Variants in NKAIN3 observed in about 807,000 individuals in gnomAD.
NKAIN3 encodes the protein sodium/potassium transporting ATPase interacting 3.
Under a neutral mutation model 30.2 loss-of-function variants are expected in NKAIN3, and 25 were observed. The ratio of observed to expected loss-of-function variants is 0.83; its 90% CI spans 0.60 to 1.16. The LOEUF (loss-of-function observed/expected upper bound fraction) is 1.16, where lower values mean the gene tolerates loss of function less well. NKAIN3 is among the 50% of genes most tolerant of loss of function. NKAIN3 has a pLI of 0.00. For synonymous variants in NKAIN3, 91 were observed against 89.6 expected, an observed-to-expected ratio of 1.02 and a Z score of -0.09; for missense variants, 225 against 254.1, an observed-to-expected ratio of 0.89 and a Z score of 0.78.
chr8:62,430,586 A>G (rs1043417923), intron 1 of NKAIN3, among the ~76,000 whole-genome samples: 63 of 151,900 alleles, frequency 4.1e-4, no homozygotes, highest in African/African-American at 1.5e-3. Flanking sequence ...ATTTATTCAC[A>G]TTCTCATGCC....
intron 3 of NKAIN3, among the ~76,000 whole-genome samples, chr8:62,644,889 CTGT>C (rs1372927969): frequency 2.0e-5 from 3 of 152,128 alleles, no homozygotes; most frequent in Non-Finnish European, 2.9e-5. Context: ...GCATTCTACT[CTGT>C]TGTTTTTTAT....
At chr8:62,612,642 A>G (rs905850540) in intron 3 of NKAIN3, among the ~76,000 whole-genome samples, 8 of 151,390 alleles carry the variant, frequency 5.3e-5, no homozygotes, top group Non-Finnish European at 1.0e-4. Context: ...ACTCTTGCCA[A>G]TTTGTTATTT....
chr8:62,282,251 A>G (rs1355309280), intron 1 of NKAIN3, among the ~76,000 whole-genome samples: 1 of 152,066 alleles, frequency 6.6e-6, no homozygotes, highest in African/African-American at 2.4e-5. Context: ...TCCCTGCACC[A>G]TTTACTAAAA....
At chr8:62,609,202 C>T (rs530446810) in intron 3 of NKAIN3, among the ~76,000 whole-genome samples, 2 of 152,238 alleles carry the variant, frequency 1.3e-5, no homozygotes, top group African/African-American at 2.4e-5. Context: ...TTACACCAAA[C>T]ATAGAGTTGT....
At chr8:62,318,280 G>T (rs918436021) in intron 1 of NKAIN3, among the ~76,000 whole-genome samples, 2 of 152,078 alleles carry the variant, frequency 1.3e-5, no homozygotes, top group Non-Finnish European at 2.9e-5. Context: ...TTCCTCTCCT[G>T]CCTGATTGCC....
At chr8:62,622,976 A>C (rs185110663) in intron 3 of NKAIN3, among the ~76,000 whole-genome samples, 2 of 152,048 alleles carry the variant, frequency 1.3e-5, no homozygotes, top group East Asian at 3.9e-4. Flanking sequence ...AGATAAAATT[A>C]ATATGTTCAC....
At position 62,805,654 on chromosome 8, in the gene NKAIN3, C is replaced by T. The variant is rs186214657; in HGVS notation, c.471+58525C>T. Among the ~76,000 whole-genome samples, 13 of 152,118 alleles carry T rather than the reference C, an allele frequency of 8.5e-5. No individual in the cohort carries two copies. In the East Asian group the frequency reaches 1.4e-3, roughly 16 times the overall value. ...TACACCTTATACAAAAATTAATTCACGATGGATTAAAGACTTACATGTTAG... is the reference window on the plus strand; with the variant it reads ...TACACCTTATACAAAAATTAATTCATGATGGATTAAAGACTTACATGTTAG... On this transcript the variant is annotated intron_variant, in intron 4 of 6. Transcript: ENST00000623646.
At chr8:62,480,602 C>T (rs538009951) in intron 1 of NKAIN3, among the ~76,000 whole-genome samples, 20 of 151,032 alleles carry the variant, frequency 1.3e-4, no homozygotes, top group East Asian at 5.8e-4. Flanking sequence ...AGAAAAAGCC[C>T]GACCAAGACA....
intron 5 of NKAIN3, among the ~76,000 whole-genome samples, chr8:62,924,041 A>G (rs978095449): frequency 5.9e-5 from 9 of 152,192 alleles, no homozygotes; most frequent in East Asian, 1.9e-4. Flanking sequence ...AAGATTGCCT[A>G]TCTCCTTAAG....
At chr8:62,380,917 A>C (rs578056735) in intron 1 of NKAIN3, among the ~76,000 whole-genome samples, 9 of 152,304 alleles carry the variant, frequency 5.9e-5, no homozygotes, top group Admixed American at 3.3e-4. Flanking sequence ...ATGCCAATAA[A>C]GAGAAAATGG....
intron 4 of NKAIN3, among the ~76,000 whole-genome samples, chr8:62,873,474 T>C (rs1462805355): frequency 3.4e-5 from 5 of 148,284 alleles, no homozygotes; most frequent in Admixed American, 1.4e-4. Flanking sequence ...AACTCAACTC[T>C]GGATCAAATG....
intron 4 of NKAIN3, among the ~76,000 whole-genome samples, chr8:62,750,645 G>A (rs1486313364): frequency 1.3e-5 from 2 of 152,132 alleles, no homozygotes; most frequent in African/African-American, 2.4e-5. Context: ...GAACGACAGG[G>A]AGAGTGCTAG....
At chr8:62,953,870 A>G (rs1241382006) in intron 5 of NKAIN3, 32 bp from the exon 6 acceptor site, 1 of 721,020 alleles carries the variant, frequency 1.4e-6, no homozygotes, top group African/African-American at 1.9e-5. Context: ...TTTTTTACAC[A>G]CTTATTCATA....
intron 3 of NKAIN3, among the ~76,000 whole-genome samples, chr8:62,684,045 C>T (rs893014184): frequency 6.6e-6 from 1 of 150,916 alleles, no homozygotes; most frequent in Non-Finnish European, 1.5e-5. Flanking sequence ...ACCTTGCATT[C>T]CTCTCAAATA....
rs1294018110 is a variant in NKAIN3, at chr8:62,456,376, A to G, written c.55-123163A>G. 2.6e-5 allele frequency among the ~76,000 whole-genome samples: 4 copies of G among 152,060 alleles called. No individual in the cohort carries two copies. In the South Asian group the frequency reaches 6.2e-4, roughly 24 times the overall value. Reference sequence around the variant, plus strand: ...TCTACTAAAAATACAAAAATTAGCCAGGCGTGGTGGCGGGCGCCTGTAGTC... The same window carrying G: ...TCTACTAAAAATACAAAAATTAGCCGGGCGTGGTGGCGGGCGCCTGTAGTC... On this transcript the variant is annotated intron_variant, in intron 1 of 6. Coordinates refer to ENST00000623646, the MANE Select transcript of NKAIN3 (RefSeq NM_001304533.3).
chr8:62,951,633 AT>A (rs1034324382), intron 5 of NKAIN3, among the ~76,000 whole-genome samples: 8 of 150,564 alleles, frequency 5.3e-5, no homozygotes, highest in South Asian at 4.2e-4. Flanking sequence ...TAATTTTTGA[AT>A]TTTTTTTTAA....
chr8:62,539,370 G>T (rs1318844424), intron 1 of NKAIN3, among the ~76,000 whole-genome samples: 6 of 152,138 alleles, frequency 3.9e-5, no homozygotes, highest in Non-Finnish European at 8.8e-5. Flanking sequence ...CATCCAAAAA[G>T]TCCATTGTAA....
At chr8:62,992,335 T>C (rs774658883) in intron 5 of NKAIN3, among the ~76,000 whole-genome samples, 1 of 152,078 alleles carries the variant, frequency 6.6e-6, no homozygotes, top group Admixed American at 6.5e-5. Context: ...TCTTTACTTT[T>C]CCTTCCTGTA....
At chr8:62,530,359 A>G (rs1378274783) in intron 1 of NKAIN3, among the ~76,000 whole-genome samples, 1 of 152,168 alleles carries the variant, frequency 6.6e-6, no homozygotes, top group Non-Finnish European at 1.5e-5. Context: ...TTTAAAAGTT[A>G]GGTCTTTATC....
Sources: allele counts gnomAD v4.1 joint callset (sites outside exome capture counted in the v4.1 genomes callset), GRCh38; gene constraint gnomAD v4.1.1; transcripts MANE v1.5; gene names NCBI Gene and HGNC (gene_info 2026-07-23, HGNC 2026-07-21).